Variants in CAPN15 observed in about 807,000 individuals in gnomAD.
CAPN15 encodes calpain-15.
In CAPN15, 53 loss-of-function variants were observed where a neutral mutation model predicts 97.9. That is an observed-to-expected ratio of 0.54 (90% confidence interval 0.43 to 0.68). The LOEUF (loss-of-function observed/expected upper bound fraction) is 0.68. CAPN15 is among the 30% of genes least tolerant of loss of function. The pLI is 0.00. For synonymous variants in CAPN15, 922 were observed against 722.5 expected, an observed-to-expected ratio of 1.28 and a Z score of -4.43; for missense variants, 1,592 against 1,589.8, an observed-to-expected ratio of 1.00 and a Z score of -0.02.
At chr16:541,709 C>T (rs1253841288) in intron 3 of CAPN15, among the ~76,000 whole-genome samples, 1 of 152,248 alleles carries the variant, frequency 6.6e-6, no homozygotes, top group African/African-American at 2.4e-5. Context: ...TTGCAGCATT[C>T]CACAGCCCAC....
At chr16:549,970 CGTG>C in intron 7 of CAPN15, 132 bp downstream of exon 7, 1 of 708,462 alleles carries the variant, frequency 1.4e-6, no homozygotes, top group Non-Finnish European at 2.4e-6. Flanking sequence ...GCTGACCCCG[CGTG>C]GCCAGGCCAC....
intron 1 of CAPN15, among the ~76,000 whole-genome samples, chr16:533,117 A>G (rs1380352306): frequency 6.6e-6 from 1 of 152,090 alleles, no homozygotes; most frequent in Non-Finnish European, 1.5e-5. Context: ...GCTACTTGGG[A>G]GGCTGAGGCA....
chr16:547,693 C>G lies in CAPN15; in HGVS notation c.855C>G (p.Arg285=), dbSNP rs368756845. The change falls in exon 4 of 14, where the codon CGC becomes CGG. Residue 285 remains arginine (R), a synonymous_variant. Transcript: ENST00000219611. ...GCTCGGGCTGGGCTGGGGCCTCCCG[C>G]CTAGCAGAGTTGCTGTCTGGCAAGC... ...PQGSGWAGAS[R]LAELLSGKRL... is the part of the protein sequence containing the mutation. The G allele has an allele frequency of 6.3e-7, 1 of 1,595,694 alleles. No homozygotes were observed. The highest frequency in any genetic ancestry group is 1.1e-5 in the South Asian group (1 of 89,692).
chr16:534,726 A>T (rs1013962301), intron 2 of CAPN15, among the ~76,000 whole-genome samples: 23 of 152,160 alleles, frequency 1.5e-4, no homozygotes, highest in African/African-American at 5.3e-4. Context: ...TTTAGGGCGC[A>T]GTGGGGTTGC....
chr16:529,985 C>T (rs1206420764), intron 1 of CAPN15, among the ~76,000 whole-genome samples: 1 of 152,184 alleles, frequency 6.6e-6, no homozygotes, highest in Non-Finnish European at 1.5e-5. Context: ...GCCCTCTGAC[C>T]CCTGGCACAG....
At chr16:528,897 A>G (rs1462114490) in intron 1 of CAPN15, among the ~76,000 whole-genome samples, 1 of 152,200 alleles carries the variant, frequency 6.6e-6, no homozygotes. Context: ...CGTGAGTCAC[A>G]GTTCAGTGTG....
Position 552,436 on chromosome 16 carries a change from C to A in CAPN15, c.2643C>A (p.Ser881Arg). 6.2e-7 allele frequency: 1 copy of A among 1,610,206 alleles called. No homozygotes were observed. Among genetic ancestry groups the A allele is most frequent in the South Asian group, 1.1e-5 (1 of 91,072 alleles). The change falls in exon 11 of 14, where the codon AGC becomes AGA. Residue 881 changes from serine (S) to arginine (R), a missense_variant. Ser to Arg is a moderately radical substitution (Grantham distance 110). Around this residue, in one of 3 missense-constraint regions of CAPN15, gnomAD observed 644 missense variants for 699.6 expected, o/e 0.92. Coordinates refer to ENST00000219611, the MANE Select transcript of CAPN15 (RefSeq NM_005632.3). This position sits in a 1 kb window ranked among gnomAD's most constrained non-coding sequence, Gnocchi z 6.4. ...AGCGCGCGGTCAAGAAGTTCGTCAG[C>A]TGCGACGTCATGCTGGAGCCTGGCG... is the stretch of plus-strand genomic sequence containing the variant. ...HSKRAVKKFV[S>R]CDVMLEPGEY... is the part of the protein sequence containing the mutation.
intron 3 of CAPN15, among the ~76,000 whole-genome samples, chr16:545,441 C>G (rs2034520651): frequency 6.6e-6 from 1 of 152,190 alleles, no homozygotes; most frequent in East Asian, 1.9e-4. Context: ...GCGTCTCCAG[C>G]CACAGAAGGG....
intron 3 of CAPN15, among the ~76,000 whole-genome samples, chr16:541,452 C>T (rs541837196): frequency 4.5e-4 from 68 of 152,248 alleles, no homozygotes; most frequent in African/African-American, 1.5e-3. Flanking sequence ...AAGGCAGGGC[C>T]GGGGAGGGGC....
rs2034850286 is a variant in CAPN15, at chr16:549,632, G to A, written c.1860G>A (p.Leu620=). The A allele has an allele frequency of 3.2e-6, 5 of 1,550,634 alleles. No individual in the cohort carries two copies. In the South Asian group the frequency reaches 3.5e-5, roughly 11 times the overall value. Residue 620 remains leucine (L), a synonymous_variant, in exon 7 of 14, where the codon CTG becomes CTA. Coordinates refer to ENST00000219611, the MANE Select transcript of CAPN15 (RefSeq NM_005632.3). ...LLFSQAQRKQ[L]WVALIEKALA... ...CTCTGCAGGCGCAGCGGAAGCAGCT[G>A]TGGGTGGCCCTCATCGAGAAGGCGC...
At position 553,802 on chromosome 16, in the gene CAPN15, G is replaced by C. The variant is rs895328054; in HGVS notation, c.*286G>C. 3.3e-5 allele frequency: 11 copies of C among 334,224 alleles called. No homozygotes were observed. In the Admixed American group the frequency reaches 4.1e-4, roughly 13 times the overall value. The allele number at this position is 334,224 out of a possible 1,614,324, so 20.7% of individuals were successfully genotyped here. ...CTGCCAGCCCCAACACCCGACGGGG[G>C]CCGAGGCCAGGCTGCCCCTCCCTGT... On this transcript the variant is annotated 3_prime_UTR_variant, in exon 14 of 14. Coordinates refer to ENST00000219611, the MANE Select transcript of CAPN15 (RefSeq NM_005632.3).
At chr16:542,947 A>C (rs2034234324) in intron 3 of CAPN15, among the ~76,000 whole-genome samples, 1 of 152,016 alleles carries the variant, frequency 6.6e-6, no homozygotes, top group Admixed American at 6.5e-5. Context: ...GCTACTAGGG[A>C]GGCTGAAGCA....
In CAPN15 at chr16:549,129, A is replaced by T. The variant is rs1180025017; in HGVS notation, c.1586A>T (p.His529Leu). The change falls in exon 5 of 14, where the codon CAC becomes CTC. Residue 529 changes from histidine to leucine, a missense_variant. By Grantham distance (99) the His-to-Leu change is moderately conservative. Coordinates refer to ENST00000219611, the MANE Select transcript of CAPN15 (RefSeq NM_005632.3). ...ATCAACTGCTCCGTCTTCAGGGACC[A>T]CAGGGCCACGTGGTCTGTGTTCCAC... Reference protein sequence around the residue: ...QEINCSVFRDHRATWSVFHTL... With the variant: ...QEINCSVFRDLRATWSVFHTL... 1 of 1,611,834 alleles carries T rather than the reference A, an allele frequency of 6.2e-7. No homozygotes were observed. Among genetic ancestry groups the T allele is most frequent in the East Asian group, 2.2e-5 (1 of 44,856 alleles).
chr16:546,637 C>A (rs1414320482), intron 3 of CAPN15, among the ~76,000 whole-genome samples, 180 bp from the exon 4 acceptor site: 1 of 152,196 alleles, frequency 6.6e-6, no homozygotes, highest in East Asian at 1.9e-4. Flanking sequence ...GGCCCTGAGC[C>A]ATGGATCCAT....
chr16:541,514 T>C (rs2034115950), intron 3 of CAPN15, among the ~76,000 whole-genome samples: 2 of 152,348 alleles, frequency 1.3e-5, no homozygotes, highest in Middle Eastern at 3.4e-3. Context: ...CTCCTGCGTG[T>C]GGTGGCACCG....
At chr16:549,913 G>C in intron 7 of CAPN15, 75 bp downstream of exon 7, 3 of 1,243,884 alleles carry the variant, frequency 2.4e-6, no homozygotes, top group Non-Finnish European at 3.4e-6. Context: ...ATGTGGGGCT[G>C]GTGGCCCCTG....
At position 553,520 on chromosome 16, in the gene CAPN15, CCAT is replaced by C; in HGVS notation, c.*5_*7del. 1 of 1,597,444 alleles carries C rather than the reference CCAT, an allele frequency of 6.3e-7. No individual in the cohort carries two copies. The highest frequency in any genetic ancestry group is 8.5e-7 in the Non-Finnish European group (1 of 1,169,720). On this transcript the variant is annotated 3_prime_UTR_variant, in exon 14 of 14. Transcript: ENST00000219611. ...GCATGGGCCCCGACCGCTGTGACCA[CCAT>C]GCCTGGGGCAGGGGCTGTGCACAGA...
intron 3 of CAPN15, among the ~76,000 whole-genome samples, chr16:541,156 G>A (rs1413939403): frequency 6.6e-6 from 1 of 152,260 alleles, no homozygotes; most frequent in Non-Finnish European, 1.5e-5. Flanking sequence ...GCCCCCAGGT[G>A]GGAGGGACGG....
At chr16:532,601 A>G (rs1291451366) in intron 1 of CAPN15, among the ~76,000 whole-genome samples, 1 of 151,392 alleles carries the variant, frequency 6.6e-6, no homozygotes, top group Non-Finnish European at 1.5e-5. Flanking sequence ...CTGTAATCCC[A>G]GCACTTTGGG....
Sources: allele counts gnomAD v4.1 joint callset (sites outside exome capture counted in the v4.1 genomes callset), GRCh38; gene constraint gnomAD v4.1.1; regional missense constraint gnomAD v4.1.1; non-coding constraint Gnocchi (gnomAD v3.1); transcripts MANE v1.5; gene names NCBI Gene and HGNC (gene_info 2026-07-23, HGNC 2026-07-21).